SHISA9: variants seen among roughly 807,000 people sequenced by gnomAD.
SHISA9 encodes the protein protein shisa-9.
In SHISA9, 13 loss-of-function variants were observed where a neutral mutation model predicts 38.0. That is an observed-to-expected ratio of 0.34 (90% CI 0.22 to 0.54). The LOEUF (loss-of-function observed/expected upper bound fraction) is 0.54, where lower values mean the gene tolerates loss of function less well. SHISA9 is among the 20% of genes least tolerant of loss of function. The pLI, the probability that SHISA9 is intolerant of heterozygous loss-of-function variation, is 0.91. For synonymous variants in SHISA9, 275 were observed against 242.0 expected (o/e 1.14, Z -1.27); for missense variants, 538 against 575.8 (o/e 0.93, Z 0.67).
chr16:13,392,752 T>G, the SHISA9 span, among the ~76,000 whole-genome samples: 1 of 152,192 alleles, frequency 6.6e-6, no homozygotes, highest in Non-Finnish European at 1.5e-5. Context: ...CACAGAAATA[T>G]GCACACACGG....
the SHISA9 span, among the ~76,000 whole-genome samples, chr16:13,260,043 G>T: frequency 5.2e-5 from 3 of 58,098 alleles, no homozygotes; most frequent in South Asian, 4.0e-4. Flanking sequence ...TTGAGACAGG[G>T]TCTTGCTCTG....
intron 3 of SHISA9, among the ~76,000 whole-genome samples, chr16:13,206,844 C>T (rs1046640164): frequency 3.9e-5 from 6 of 152,200 alleles, no homozygotes; most frequent in African/African-American, 1.4e-4. Context: ...TGCATCCTAA[C>T]TGCATTCAAA....
At chr16:12,975,830 G>A (rs1300210654) in intron 2 of SHISA9, among the ~76,000 whole-genome samples, 1 of 152,062 alleles carries the variant, frequency 6.6e-6, no homozygotes, top group Non-Finnish European at 1.5e-5. Flanking sequence ...CATGCTTAGT[G>A]GCCTGAGTGA....
At chr16:13,113,884 C>T (rs1028693575) in intron 2 of SHISA9, among the ~76,000 whole-genome samples, 1 of 152,190 alleles carries the variant, frequency 6.6e-6, no homozygotes, top group Admixed American at 6.5e-5. Context: ...GAGGCTTCTG[C>T]CCTGAGCTGG....
the SHISA9 span, among the ~76,000 whole-genome samples, chr16:13,263,664 C>T: frequency 1.3e-5 from 2 of 152,154 alleles, no homozygotes; most frequent in African/African-American, 4.8e-5. Flanking sequence ...TTCTTTATAG[C>T]AACCCAAGAA....
At chr16:13,385,149 A>T in the SHISA9 span, among the ~76,000 whole-genome samples, 1 of 152,248 alleles carries the variant, frequency 6.6e-6, no homozygotes, top group Non-Finnish European at 1.5e-5. Context: ...AGTAGTGGCA[A>T]CACCAAATGT....
At chr16:12,980,904 C>T (rs1451822926) in intron 2 of SHISA9, among the ~76,000 whole-genome samples, 1 of 151,666 alleles carries the variant, frequency 6.6e-6, no homozygotes, top group East Asian at 1.9e-4. Flanking sequence ...TAAATTGGTT[C>T]TTTTAAATAT....
chr16:12,934,023 G>A (rs200747898), intron 2 of SHISA9, among the ~76,000 whole-genome samples: 4 of 152,066 alleles, frequency 2.6e-5, no homozygotes, highest in African/African-American at 9.7e-5. Flanking sequence ...AGTGAAGAGT[G>A]GGGGGAAAGG....
intron 2 of SHISA9, among the ~76,000 whole-genome samples, chr16:13,039,682 C>G (rs2073112551): frequency 6.6e-6 from 1 of 152,106 alleles, no homozygotes; most frequent in East Asian, 1.9e-4. Flanking sequence ...TTTATTTTTC[C>G]TCTCCAAATG....
the SHISA9 span, among the ~76,000 whole-genome samples, chr16:13,264,482 C>T: frequency 1.3e-5 from 2 of 152,170 alleles, no homozygotes; most frequent in East Asian, 3.9e-4. Flanking sequence ...TGTTTTAAAT[C>T]TTGAGAGTGG....
the SHISA9 span, among the ~76,000 whole-genome samples, chr16:13,293,301 G>A: frequency 6.6e-6 from 1 of 152,096 alleles, no homozygotes; most frequent in Admixed American, 6.6e-5. Context: ...AGACCACGTT[G>A]GTTTTTTAAG....
intron 2 of SHISA9, among the ~76,000 whole-genome samples, chr16:12,931,700 C>T (rs1596535829): frequency 6.6e-6 from 1 of 152,136 alleles, no homozygotes; most frequent in South Asian, 2.1e-4. Context: ...TATTGGGCAC[C>T]TAGGTTGATT....
At chr16:13,098,262 A>G (rs2073846238) in intron 2 of SHISA9, among the ~76,000 whole-genome samples, 1 of 152,214 alleles carries the variant, frequency 6.6e-6, no homozygotes, top group African/African-American at 2.4e-5. Flanking sequence ...ATCCATAGAA[A>G]TGGAGCAAAA....
chr16:13,413,623 G>C, the SHISA9 span, among the ~76,000 whole-genome samples: 5 of 152,010 alleles, frequency 3.3e-5, no homozygotes, highest in Admixed American at 6.6e-5. Flanking sequence ...GGGCGTGGTG[G>C]TGGGTGCCTG....
the SHISA9 span, among the ~76,000 whole-genome samples, chr16:13,262,132 C>G: frequency 5.9e-5 from 9 of 152,206 alleles, no homozygotes; most frequent in Admixed American, 3.3e-4. Flanking sequence ...CTCCACTATC[C>G]TCAAATGCCC....
intron 2 of SHISA9, among the ~76,000 whole-genome samples, chr16:13,176,377 T>C (rs1178910353): frequency 1.3e-5 from 2 of 152,342 alleles, no homozygotes; most frequent in East Asian, 1.9e-4. Context: ...TGGTCTCTGA[T>C]CACACAGGTC....
chr16:13,363,440 A>T, the SHISA9 span, among the ~76,000 whole-genome samples: 1 of 152,190 alleles, frequency 6.6e-6, no homozygotes, highest in Non-Finnish European at 1.5e-5. Context: ...GATTTTTAAA[A>T]ATTAGGTGGT....
At chr16:13,297,970 G>C in the SHISA9 span, among the ~76,000 whole-genome samples, 1 of 152,102 alleles carries the variant, frequency 6.6e-6, no homozygotes, top group Non-Finnish European at 1.5e-5. Flanking sequence ...TGGTCAGGCT[G>C]GTCTCGAACT....
the SHISA9 span, among the ~76,000 whole-genome samples, chr16:13,379,077 C>G: frequency 4.0e-5 from 6 of 149,896 alleles, no homozygotes; most frequent in Admixed American, 3.3e-4. Context: ...AAGCCCTACC[C>G]TCTAGGGACT....
Sources: gnomAD v4.1 joint callset for allele counts (sites outside exome capture counted in the v4.1 genomes callset) on GRCh38, gnomAD v4.1.1 for gene constraint, MANE v1.5 for transcripts, NCBI Gene and HGNC (gene_info 2026-07-23, HGNC 2026-07-21) for gene names.